Variants in FARS2 observed in about 807,000 individuals in gnomAD.
The protein encoded by FARS2 is phenylalanine--tRNA ligase, mitochondrial.
Under a neutral mutation model 46.4 loss-of-function variants are expected in FARS2, and 40 were observed. That is an observed-to-expected ratio of 0.86 (90% CI 0.67 to 1.12). FARS2 has a LOEUF of 1.12. FARS2 is among the 50% of genes most tolerant of loss of function. The pLI is 0.00. For synonymous variants in FARS2, 234 were observed against 214.9 expected, an observed-to-expected ratio of 1.09 and a Z score of -0.78; for missense variants, 513 against 567.9, an observed-to-expected ratio of 0.90 and a Z score of 0.98.
chr6:5,562,806 CTT>C (rs1275011133), intron 5 of FARS2, among the ~76,000 whole-genome samples: 8 of 122,290 alleles, frequency 6.5e-5, no homozygotes, highest in East Asian at 2.4e-4. Context: ...TTTTCTTTTT[CTT>C]TTTTTTTTTT....
chr6:5,252,067 G>C, the FARS2 span, among the ~76,000 whole-genome samples: 1 of 152,196 alleles, frequency 6.6e-6, no homozygotes, highest in Non-Finnish European at 1.5e-5. Flanking sequence ...AGCGAGACCT[G>C]ACGTTGATCA....
chr6:5,551,857 C>G (rs982114128), intron 5 of FARS2, among the ~76,000 whole-genome samples: 4 of 152,196 alleles, frequency 2.6e-5, no homozygotes, highest in Admixed American at 2.0e-4. Flanking sequence ...ACCTCACCCT[C>G]TCTCTGAATT....
At chr6:5,680,159 G>A (rs1458655923) in intron 6 of FARS2, among the ~76,000 whole-genome samples, 1 of 152,194 alleles carries the variant, frequency 6.6e-6, no homozygotes, top group African/African-American at 2.4e-5. Context: ...CTTGATGAAG[G>A]CATTAGAAAC....
the FARS2 span, among the ~76,000 whole-genome samples, chr6:5,251,906 C>T: frequency 1.3e-5 from 2 of 152,242 alleles, no homozygotes; most frequent in East Asian, 1.9e-4. Flanking sequence ...CTCAGCTTGC[C>T]AATAAATCTG....
At chr6:5,639,108 A>C (rs1776684085) in intron 6 of FARS2, among the ~76,000 whole-genome samples, 1 of 152,236 alleles carries the variant, frequency 6.6e-6, no homozygotes, top group Admixed American at 6.5e-5. Context: ...CTTCTCTCTC[A>C]TCTGGACAAG....
At chr6:5,662,877 C>T (rs1236798552) in intron 6 of FARS2, among the ~76,000 whole-genome samples, 3 of 152,164 alleles carry the variant, frequency 2.0e-5, no homozygotes, top group African/African-American at 4.8e-5. Context: ...AGACATAATA[C>T]TCCCAAGCTC....
chr6:5,407,250 G>T (rs1219545810), intron 3 of FARS2, among the ~76,000 whole-genome samples: 3 of 151,798 alleles, frequency 2.0e-5, no homozygotes, highest in African/African-American at 4.8e-5. Flanking sequence ...CATGGTCACC[G>T]TTCTTCCAGC....
chr6:5,317,981 G>A (rs970685255), intron 1 of FARS2, among the ~76,000 whole-genome samples: 4 of 151,836 alleles, frequency 2.6e-5, no homozygotes, highest in African/African-American at 7.3e-5. Flanking sequence ...AGGTAGAGGT[G>A]GGGAACTTTT....
intron 1 of FARS2, among the ~76,000 whole-genome samples, chr6:5,332,431 A>G (rs996592581): frequency 5.3e-5 from 8 of 152,240 alleles, no homozygotes; most frequent in African/African-American, 1.9e-4. Flanking sequence ...TGGTTATAAA[A>G]AAGAAATGAG....
At chr6:5,386,762 G>A (rs900694932) in intron 2 of FARS2, among the ~76,000 whole-genome samples, 3 of 152,206 alleles carry the variant, frequency 2.0e-5, no homozygotes, top group Admixed American at 6.5e-5. Flanking sequence ...GTGTTTTGGG[G>A]TAGGGACAGG....
In FARS2 at chr6:5,679,382, A is replaced by C. The variant is rs78601971; in HGVS notation, c.1217+66062A>C. On this transcript the variant is annotated intron_variant, in intron 6 of 6. Transcript: ENST00000274680. ...CTTCTACCCTTCCCTCTAAAATCCA[A>C]ATAAAAACATTAAGCCCTACTGCAC... Among the ~76,000 whole-genome samples the C allele has an allele frequency of 5.7e-3, 860 of 152,086 alleles. 5 individuals are homozygous for C. Among genetic ancestry groups the C allele is most frequent in the African/African-American group, 0.019 (781 of 41,466 alleles).
At chr6:5,561,884 A>G (rs1175220106) in intron 5 of FARS2, among the ~76,000 whole-genome samples, 2 of 152,036 alleles carry the variant, frequency 1.3e-5, no homozygotes, top group Non-Finnish European at 2.9e-5. Flanking sequence ...ACTTTCTACC[A>G]GTTTAATAAT....
chr6:5,482,147 G>T (rs35402847), intron 4 of FARS2, among the ~76,000 whole-genome samples: 16,025 of 147,060 alleles, frequency 0.11, 1,121 homozygotes, highest in Non-Finnish European at 0.15. Context: ...TTTTTTTTTT[G>T]AATCAGATGG....
At chr6:5,615,019 T>A (rs879637168) in intron 6 of FARS2, among the ~76,000 whole-genome samples, 2 of 152,242 alleles carry the variant, frequency 1.3e-5, no homozygotes, top group Non-Finnish European at 2.9e-5. Context: ...TTGATCTTTT[T>A]GCTTTTTGTT....
At chr6:5,375,597 C>T (rs1374372208) in intron 2 of FARS2, among the ~76,000 whole-genome samples, 4 of 152,020 alleles carry the variant, frequency 2.6e-5, no homozygotes, top group African/African-American at 4.8e-5. Flanking sequence ...GGTATTAAGA[C>T]TTATACTTGT....
chr6:5,504,818 G>A (rs765820), intron 4 of FARS2, among the ~76,000 whole-genome samples: 108,697 of 151,980 alleles, frequency 0.72, 39,435 homozygotes, highest in African/African-American at 0.8. Flanking sequence ...CTTAATGTAT[G>A]TGGACTTTTA....
intron 6 of FARS2, among the ~76,000 whole-genome samples, chr6:5,739,786 G>C (rs753547291): frequency 7.9e-5 from 12 of 152,194 alleles, no homozygotes; most frequent in Admixed American, 2.0e-4. Context: ...GGTGCCTAGT[G>C]CCGCCACAAG....
At chr6:5,278,621 A>G (rs1003288043) in intron 1 of FARS2, among the ~76,000 whole-genome samples, 3 of 152,170 alleles carry the variant, frequency 2.0e-5, no homozygotes, top group African/African-American at 7.2e-5. Context: ...TAACTATTCA[A>G]CCTCACTAGG....
At chr6:5,440,627 A>G (rs549264498) in intron 4 of FARS2, among the ~76,000 whole-genome samples, 2 of 152,210 alleles carry the variant, frequency 1.3e-5, no homozygotes, top group Admixed American at 6.5e-5. Flanking sequence ...AATATTGAAC[A>G]TTATCAATCT....
Sources: gnomAD v4.1 joint callset for allele counts (sites outside exome capture counted in the v4.1 genomes callset) on GRCh38, gnomAD v4.1.1 for gene constraint, MANE v1.5 for transcripts, NCBI Gene and HGNC (gene_info 2026-07-23, HGNC 2026-07-21) for gene names.